Variants in AR observed in about 807,000 individuals in gnomAD.
AR encodes the protein dihydrotestosterone receptor.
AR carries 8 observed loss-of-function variants against 53.9 expected under a neutral mutation model. The observed-to-expected ratio is 0.15, with a 90% confidence interval of 0.09 to 0.27. AR has a LOEUF of 0.27. AR is among the 10% of genes least tolerant of loss of function. The pLI is 1.00. For synonymous variants in AR, 359 were observed against 316.4 expected, an observed-to-expected ratio of 1.13 and a Z score of -1.43; for missense variants, 639 against 742.5, an observed-to-expected ratio of 0.86 and a Z score of 1.62.
chrX:67,626,595 C>A (rs1292747273), intron 1 of AR, among the ~76,000 whole-genome samples: 1 of 89,360 alleles, frequency 1.1e-5, no homozygotes, highest in Non-Finnish European at 2.2e-5. Flanking sequence ...CACCCGCCAC[C>A]ATGCCCGACT....
At position 67,711,522 on chromosome X, in the gene AR, A is replaced by G; in HGVS notation, c.2006A>G (p.Glu669Gly). The change falls in exon 4 of 8, where the codon GAA (glutamate) becomes GGA (glycine). Residue 669 changes from glutamate to glycine, a missense_variant. By Grantham distance (98) the Glu-to-Gly change is moderately conservative. Around this residue, in one of 5 missense-constraint regions of AR, gnomAD observed 47 missense variants for 35.9 expected, o/e 1.31. Transcript: ENST00000374690. ...ACAGTGTCACACATTGAAGGCTATG[A>G]ATGTCAGCCCATCTTTCTGAATGTC... ...KLTVSHIEGY[E>G]CQPIFLNVLE... is the part of the protein sequence containing the mutation. 8.3e-7 allele frequency: 1 copy of G among 1,211,630 alleles called. No individual in the cohort carries two copies. The highest frequency in any genetic ancestry group is 1.1e-6 in the Non-Finnish European group (1 of 895,502).
intron 1 of AR, among the ~76,000 whole-genome samples, chrX:67,630,107 A>G (rs1280238181): frequency 9.0e-6 from 1 of 111,168 alleles, no homozygotes; most frequent in African/African-American, 3.3e-5. Context: ...AAAAAAATGT[A>G]TATTCTGTTG....
intron 1 of AR, among the ~76,000 whole-genome samples, chrX:67,625,605 T>C (rs1924590601): frequency 9.0e-6 from 1 of 111,687 alleles, no homozygotes; most frequent in Non-Finnish European, 1.9e-5. Flanking sequence ...AACTCTTACA[T>C]TTAAGACCAA....
chrX:67,702,876 G>A (rs1394237551), intron 3 of AR, among the ~76,000 whole-genome samples: 1 of 111,639 alleles, frequency 9.0e-6, no homozygotes, highest in Non-Finnish European at 1.9e-5. Flanking sequence ...TTAAGGCCAG[G>A]AGTTTGAGTC....
Position 67,667,626 on chromosome X carries a change from C to T in AR, c.1769-18384C>T, listed in dbSNP as rs774541510. On this transcript the variant is annotated intron_variant, in intron 2 of 7. Transcript: ENST00000374690. ...GTCATTGATATTTTGATATAAATTG[C>T]GTTGAATCTGTAGATAGCTTCAGGT... Among the ~76,000 whole-genome samples, 6 of 111,355 alleles carry T rather than the reference C, an allele frequency of 5.4e-5. No homozygotes were observed. The East Asian group carries it at 1.1e-3, about 21-fold the overall frequency.
At chrX:67,659,834 AC>A (rs1201880363) in intron 2 of AR, among the ~76,000 whole-genome samples, 1 of 111,850 alleles carries the variant, frequency 8.9e-6, no homozygotes, top group Non-Finnish European at 1.9e-5. Flanking sequence ...AGTCCCACCA[AC>A]AGTGTAAAAG....
intron 6 of AR, chrX:67,722,286 C>A: frequency 3.7e-6 from 1 of 273,107 alleles, no homozygotes; most frequent in African/African-American, 2.7e-5. Flanking sequence ...TAGAAACAGA[C>A]ATGGGCCACC....
At chrX:67,711,770 G>A (rs2147525661) in intron 4 of AR, 81 bp downstream of exon 4, 2 of 1,000,803 alleles carry the variant, frequency 2.0e-6, no homozygotes, top group South Asian at 2.5e-5. Flanking sequence ...ACCATGTCTG[G>A]TGCTTTTCTG....
intron 2 of AR, among the ~76,000 whole-genome samples, chrX:67,677,115 C>T (rs754182514): frequency 4.5e-5 from 5 of 110,654 alleles, no homozygotes; most frequent in Non-Finnish European, 9.4e-5. Flanking sequence ...CTCACTAAGA[C>T]TGAAGGCGAA....
chrX:67,649,396 G>A lies in AR; in HGVS notation c.1768+5989G>A, dbSNP rs758008501. 2.0e-4 allele frequency among the ~76,000 whole-genome samples: 22 copies of A among 112,031 alleles called. 1 individual carries two copies. The highest frequency in any genetic ancestry group is 4.1e-4 in the Non-Finnish European group (22 of 53,227). On this transcript the variant is annotated intron_variant, in intron 2 of 7. Transcript: ENST00000374690. ...ATCCTTTGGGTATATACCCAGTAATGGGATGGCTGGGTCAAATGGCATTTC... is the reference window on the plus strand; with the variant it reads ...ATCCTTTGGGTATATACCCAGTAATAGGATGGCTGGGTCAAATGGCATTTC...
chrX:67,660,730 G>C (rs892283451), intron 2 of AR, among the ~76,000 whole-genome samples: 1 of 111,667 alleles, frequency 9.0e-6, no homozygotes, highest in Non-Finnish European at 1.9e-5. Flanking sequence ...CTTTAAAGTA[G>C]TTTTTTCCAT....
chrX:67,544,375 C>A lies in AR; in HGVS notation c.-772C>A, dbSNP rs1448963729. The A allele has an allele frequency of 2.7e-5, 3 of 109,991 alleles. No individual in the cohort carries two copies. The highest frequency in any genetic ancestry group is 1.4e-4 in the East Asian group (1 of 7,099). The allele number at this position is 109,991 out of a possible 1,213,427, so 9.1% of individuals were successfully genotyped here. On this transcript the variant is annotated 5_prime_UTR_variant, in exon 1 of 8. Transcript: ENST00000374690. ...CCTCCCCCCACCCTGCCTTCCCCCCCTCCCCCGTCTTCTCTCCCGCAGCTG... is the reference window on the plus strand; with the variant it reads ...CCTCCCCCCACCCTGCCTTCCCCCCATCCCCCGTCTTCTCTCCCGCAGCTG...
chrX:67,723,532 C>CACACACAA (rs1358963524), intron 7 of AR, among the ~76,000 whole-genome samples, 154 bp from the exon 8 acceptor site: 1 of 106,132 alleles, frequency 9.4e-6, no homozygotes, highest in Non-Finnish European at 1.9e-5. Context: ...CACACACACA[C>CACACACAA]ACACACACGA....
chrX:67,579,327 C>T (rs1198487213), intron 1 of AR, among the ~76,000 whole-genome samples: 2 of 111,499 alleles, frequency 1.8e-5, no homozygotes, highest in Non-Finnish European at 3.8e-5. Context: ...TTCAGAAGGA[C>T]ACTGAAATCT....
At chrX:67,658,134 A>G (rs1926675599) in intron 2 of AR, among the ~76,000 whole-genome samples, 2 of 112,084 alleles carry the variant, frequency 1.8e-5, no homozygotes, top group South Asian at 3.7e-4. Context: ...TGAGCATTAG[A>G]CTGTCAGTAT....
At chrX:67,592,582 C>A (rs1341215051) in intron 1 of AR, among the ~76,000 whole-genome samples, 1 of 106,664 alleles carries the variant, frequency 9.4e-6, no homozygotes, top group African/African-American at 3.4e-5. Flanking sequence ...GAAGTGACTG[C>A]ATATCACGTC....
At chrX:67,722,086 C>A in intron 6 of AR, 123 bp downstream of exon 6, 1 of 816,190 alleles carries the variant, frequency 1.2e-6, no homozygotes, top group Non-Finnish European at 1.8e-6. Context: ...CTTCATTCCC[C>A]CTCCCCATCC....
rs2076173963 is a variant in AR at position 67,730,131 on chromosome X, A to G, written c.*6290A>G. 5.7e-6 allele frequency: 1 copy of G among 174,270 alleles called. No homozygotes were observed. The allele number at this position is 174,270 out of a possible 1,213,427, so 14.4% of individuals were successfully genotyped here. On this transcript the variant is annotated 3_prime_UTR_variant, in exon 8 of 8. Coordinates refer to ENST00000374690, the MANE Select transcript of AR (RefSeq NM_000044.6). ...ATCTGGCAGCAGGAGGGAGCAGACT[A>G]TGTAAACAGAGATAAAAATTAATTT...
At chrX:67,649,268 A>G (rs962741081) in intron 2 of AR, among the ~76,000 whole-genome samples, 2 of 112,306 alleles carry the variant, frequency 1.8e-5, no homozygotes, top group African/African-American at 3.2e-5. Flanking sequence ...TTTATCCAGT[A>G]TATCATTGAT....
Sources: gnomAD v4.1 joint callset for allele counts (sites outside exome capture counted in the v4.1 genomes callset) on GRCh38, gnomAD v4.1.1 for gene constraint, gnomAD v4.1.1 regional missense constraint, MANE v1.5 for transcripts, NCBI Gene and HGNC (gene_info 2026-07-23, HGNC 2026-07-21) for gene names.